The following SH3BGRL2 variants were observed in gnomAD, a reference collection of about 807,000 sequenced individuals.
The protein encoded by SH3BGRL2 is SH3 domain-binding glutamic acid-rich-like protein 2.
Under a neutral mutation model 14.8 loss-of-function variants are expected in SH3BGRL2, and 21 were observed. That is an observed-to-expected ratio of 1.42 (90% CI 1.01 to 2.05). SH3BGRL2 has a LOEUF of 2.05. SH3BGRL2 is among the 30% of genes most tolerant of loss of function. The pLI is 0.00. For synonymous variants in SH3BGRL2, 50 were observed against 47.8 expected (o/e 1.05, Z -0.19); for missense variants, 147 against 130.8 (o/e 1.12, Z -0.61).
the SH3BGRL2 span, among the ~76,000 whole-genome samples, chr6:79,623,113 C>G: frequency 6.6e-6 from 1 of 152,144 alleles, no homozygotes; most frequent in South Asian, 2.1e-4. Flanking sequence ...CAAGACCAGC[C>G]TGGCCAACAT....
the SH3BGRL2 span, among the ~76,000 whole-genome samples, chr6:79,577,566 G>C: frequency 2.0e-5 from 3 of 152,026 alleles, no homozygotes; most frequent in Non-Finnish European, 4.4e-5. Flanking sequence ...TACTAGAAAG[G>C]TAAAGTGACA....
At chr6:79,539,457 A>G in the SH3BGRL2 span, among the ~76,000 whole-genome samples, 1 of 152,200 alleles carries the variant, frequency 6.6e-6, no homozygotes, top group Non-Finnish European at 1.5e-5. Flanking sequence ...GTTTTTAAAG[A>G]TTTTGTTTAT....
chr6:79,657,721 A>G (rs2127728276), intron 1 of SH3BGRL2, among the ~76,000 whole-genome samples: 1 of 151,970 alleles, frequency 6.6e-6, no homozygotes, highest in African/African-American at 2.4e-5. Flanking sequence ...GGTTCAAGCG[A>G]TTCTCCTGCC....
chr6:79,593,571 A>G, the SH3BGRL2 span, among the ~76,000 whole-genome samples: 14 of 152,212 alleles, frequency 9.2e-5, no homozygotes, highest in Non-Finnish European at 1.6e-4. Flanking sequence ...ATGAGTAAGC[A>G]GTAAGATCAG....
At chr6:79,618,042 G>A in the SH3BGRL2 span, among the ~76,000 whole-genome samples, 3 of 152,144 alleles carry the variant, frequency 2.0e-5, no homozygotes, top group Admixed American at 6.5e-5. Context: ...TTTAATAAGT[G>A]CAACATGGTA....
Position 79,694,846 on chromosome 6 carries a change from T to G in SH3BGRL2, c.232-1639T>G, listed in dbSNP as rs778339791. Reference sequence around the variant, plus strand: ...CTGCCGTCAGCTCGGCTGCCACCATTGCTTACTGCAATTGCCAAAGTACTC... The same window carrying G: ...CTGCCGTCAGCTCGGCTGCCACCATGGCTTACTGCAATTGCCAAAGTACTC... On this transcript the variant is annotated intron_variant, in intron 2 of 3. Coordinates refer to ENST00000369838, the MANE Select transcript of SH3BGRL2 (RefSeq NM_031469.4). Among the ~76,000 whole-genome samples, 77 of 152,312 alleles carry G rather than the reference T, an allele frequency of 5.1e-4. 1 individual carries two copies. The highest frequency in any genetic ancestry group is 2.1e-4 in the Non-Finnish European group (14 of 68,034).
upstream of SH3BGRL2, chr6:79,631,239 A>G: frequency 2.5e-6 from 1 of 405,464 alleles, no homozygotes; most frequent in Non-Finnish European, 4.4e-6. Flanking sequence ...CAAGCCCCGC[A>G]GCCGGCTCCC....
chr6:79,562,873 C>G, the SH3BGRL2 span, among the ~76,000 whole-genome samples: 125 of 152,128 alleles, frequency 8.2e-4, 1 homozygote, highest in African/African-American at 2.9e-3. Flanking sequence ...CAAATTTGTG[C>G]TGGGCTGCAT....
the SH3BGRL2 span, among the ~76,000 whole-genome samples, chr6:79,538,069 G>A: frequency 2.8e-5 from 3 of 108,832 alleles, no homozygotes; most frequent in Admixed American, 3.5e-4. Context: ...AACGTTTTGA[G>A]GAGCATGTCA....
intron 1 of SH3BGRL2, among the ~76,000 whole-genome samples, chr6:79,672,853 A>G (rs1336168908): frequency 6.6e-6 from 1 of 152,184 alleles, no homozygotes; most frequent in Non-Finnish European, 1.5e-5. Context: ...AAAGTGAAAG[A>G]TCAGAGGAAT....
At chr6:79,620,350 G>A in the SH3BGRL2 span, among the ~76,000 whole-genome samples, 2 of 151,804 alleles carry the variant, frequency 1.3e-5, no homozygotes, top group South Asian at 4.2e-4. Context: ...ACCTTTATGA[G>A]AGTGAAATGG....
the SH3BGRL2 span, among the ~76,000 whole-genome samples, chr6:79,593,083 A>C: frequency 6.6e-6 from 1 of 152,166 alleles, no homozygotes; most frequent in Non-Finnish European, 1.5e-5. Flanking sequence ...AGTGTTGCCA[A>C]GACATTATAA....
chr6:79,608,139 AACTC>A, the SH3BGRL2 span, among the ~76,000 whole-genome samples: 11 of 152,186 alleles, frequency 7.2e-5, no homozygotes, highest in African/African-American at 1.9e-4. Flanking sequence ...GTCTCGTGAG[AACTC>A]ACTCACTATC....
At chr6:79,680,415 C>T (rs540499634) in intron 2 of SH3BGRL2, among the ~76,000 whole-genome samples, 2 of 152,278 alleles carry the variant, frequency 1.3e-5, no homozygotes, top group East Asian at 3.9e-4. Flanking sequence ...TTTGGACTCT[C>T]TGTTCTGTGC....
the SH3BGRL2 span, among the ~76,000 whole-genome samples, chr6:79,608,208 C>T: frequency 6.6e-6 from 1 of 152,146 alleles, no homozygotes; most frequent in Non-Finnish European, 1.5e-5. Context: ...TCCTCTAACA[C>T]TGAGGATTAC....
chr6:79,681,870 T>G (rs1267803268), intron 2 of SH3BGRL2, among the ~76,000 whole-genome samples: 1 of 152,044 alleles, frequency 6.6e-6, no homozygotes, highest in African/African-American at 2.4e-5. Flanking sequence ...GAGAATCGCT[T>G]GATCCCAGGA....
the SH3BGRL2 span, among the ~76,000 whole-genome samples, chr6:79,607,453 CTTCTT>C: frequency 6.6e-6 from 1 of 152,158 alleles, no homozygotes; most frequent in East Asian, 1.9e-4. Context: ...ATCTCCCTCC[CTTCTT>C]TTAACCTACA....
the SH3BGRL2 span, among the ~76,000 whole-genome samples, chr6:79,577,414 A>G: frequency 1.1e-4 from 17 of 152,212 alleles, no homozygotes; most frequent in South Asian, 6.2e-4. Flanking sequence ...TGGCAAATGT[A>G]TATTAAGATA....
upstream of SH3BGRL2, chr6:79,631,295 G>A: frequency 2.0e-6 from 1 of 504,514 alleles, no homozygotes; most frequent in Non-Finnish European, 3.2e-6. Flanking sequence ...GGGCGGCGCT[G>A]GGCTTTTATC....
Sources: gnomAD v4.1 joint callset for allele counts (sites outside exome capture counted in the v4.1 genomes callset) on GRCh38, gnomAD v4.1.1 for gene constraint, MANE v1.5 for transcripts, NCBI Gene and HGNC (gene_info 2026-07-23, HGNC 2026-07-21) for gene names.